PGS1: variants seen among roughly 807,000 people sequenced by gnomAD.
PGS1 encodes the protein CDP-diacylglycerol--glycerol-3-phosphate 3-phosphatidyltransferase, mitochondrial.
PGS1 carries 44 observed loss-of-function variants against 58.3 expected under a neutral mutation model. That is an observed-to-expected ratio of 0.75 (90% CI 0.59 to 0.97). PGS1 has a LOEUF of 0.97. PGS1 is among the 50% of genes least tolerant of loss of function. The probability of loss-of-function intolerance (pLI) is 0.00; values close to 1 mark genes in which losing one functional copy is unlikely to be tolerated. For missense variants in PGS1, 684 were observed against 731.1 expected (o/e 0.94, Z 0.74); for synonymous variants, 330 against 311.0 (o/e 1.06, Z -0.64).
intron 8 of PGS1, among the ~76,000 whole-genome samples, chr17:78,417,913 A>T (rs2085338445): frequency 7.0e-6 from 1 of 143,856 alleles, no homozygotes; most frequent in Non-Finnish European, 1.5e-5. Flanking sequence ...ACCATTTCGG[A>T]CAAAGCATAT....
chr17:78,394,993 G>A (rs59579069), intron 2 of PGS1, among the ~76,000 whole-genome samples: 1,952 of 152,340 alleles, frequency 0.013, 42 homozygotes, highest in African/African-American at 0.043. Flanking sequence ...AGAGCAGGAA[G>A]GGGCAGAGAG....
intron 7 of PGS1, among the ~76,000 whole-genome samples, chr17:78,413,552 C>T (rs1456670892): frequency 1.3e-5 from 2 of 152,330 alleles, no homozygotes; most frequent in South Asian, 2.1e-4. Flanking sequence ...CTCCCCCTCC[C>T]TCACACCTGC....
At chr17:78,401,221 G>A (rs2083633815) in intron 6 of PGS1, among the ~76,000 whole-genome samples, 1 of 152,122 alleles carries the variant, frequency 6.6e-6, no homozygotes, top group Admixed American at 6.5e-5. Context: ...ACAAACTCAG[G>A]TCAGGACGCA....
At chr17:78,420,139 G>A in intron 9 of PGS1, 5 of 1,017,866 alleles carry the variant, frequency 4.9e-6, no homozygotes, top group Non-Finnish European at 5.9e-6. Context: ...TAGTGCACAG[G>A]GTGGGGCGTC....
intron 6 of PGS1, among the ~76,000 whole-genome samples, chr17:78,403,177 A>G (rs1184604641): frequency 2.0e-5 from 3 of 152,294 alleles, no homozygotes; most frequent in East Asian, 1.9e-4. Context: ...GTGTACAGCC[A>G]TGAACCTGCT....
At chr17:78,394,735 A>T (rs2083099287) in intron 2 of PGS1, among the ~76,000 whole-genome samples, 1 of 151,830 alleles carries the variant, frequency 6.6e-6, no homozygotes, top group African/African-American at 2.4e-5. Context: ...TTATATTTTT[A>T]GTAGAGACAG....
At chr17:78,413,936 C>G (rs1390241287) in intron 7 of PGS1, among the ~76,000 whole-genome samples, 1 of 152,254 alleles carries the variant, frequency 6.6e-6, no homozygotes, top group African/African-American at 2.4e-5. Flanking sequence ...AGTGGCACCC[C>G]GTGCCCTGCT....
At chr17:78,422,705 G>C (rs1458603890) in intron 9 of PGS1, among the ~76,000 whole-genome samples, 1 of 151,840 alleles carries the variant, frequency 6.6e-6, no homozygotes, top group East Asian at 1.9e-4. Context: ...TTGCCACGTT[G>C]CCCAGGCTGG....
At chr17:78,392,351 C>T in intron 1 of PGS1, 125 bp from the exon 2 acceptor site, 1 of 598,492 alleles carries the variant, frequency 1.7e-6, no homozygotes, top group East Asian at 3.1e-5. Context: ...GAAAATCTGA[C>T]ATTCATAACA....
intron 7 of PGS1, among the ~76,000 whole-genome samples, chr17:78,414,601 C>G (rs555851951): frequency 1.5e-4 from 23 of 152,238 alleles, no homozygotes; most frequent in African/African-American, 4.8e-4. Flanking sequence ...GCCTGCTTCT[C>G]GTCCTGCTTG....
chr17:78,379,271 T>C (rs971199591), intron 1 of PGS1, among the ~76,000 whole-genome samples: 40 of 152,276 alleles, frequency 2.6e-4, no homozygotes, highest in Admixed American at 2.2e-3. Context: ...TCACCGTTGC[T>C]GGGATTTTGT....
chr17:78,390,745 G>A (rs548354579), intron 1 of PGS1, among the ~76,000 whole-genome samples: 2 of 152,238 alleles, frequency 1.3e-5, no homozygotes, highest in South Asian at 2.1e-4. Flanking sequence ...CCCATCTCCC[G>A]CAGGTTTTTA....
intron 2 of PGS1, among the ~76,000 whole-genome samples, chr17:78,393,670 T>C (rs1225998356): frequency 2.0e-5 from 3 of 152,170 alleles, no homozygotes; most frequent in Non-Finnish European, 4.4e-5. Flanking sequence ...GTCTAAGGCT[T>C]GTAGTCTTGG....
At chr17:78,420,593 A>G (rs940961619) in intron 9 of PGS1, 1 of 152,204 alleles carries the variant, frequency 6.6e-6, no homozygotes, top group Non-Finnish European at 1.5e-5. Flanking sequence ...TGGCCGGCAC[A>G]TGCGCTAGTG....
Position 78,422,790 on chromosome 17 carries a change from CTTTGAAGCCTGAGAAAT to C in PGS1, c.*11-1270_*11-1254del, listed in dbSNP as rs973130041. Among the ~76,000 whole-genome samples the C allele has an allele frequency of 2.4e-3, 358 of 151,932 alleles. 2 individuals are homozygous for C. Among genetic ancestry groups the C allele is most frequent in the Admixed American group, 0.022 (332 of 15,180 alleles). ...TGAGCTGCTGCAGCGGCCTGCTTTT[CTTTGAAGCCTGAGAAAT>C]GTTGAGGGCCGGGCACAGTGGTTGA... On this transcript the variant is annotated intron_variant, in intron 9 of 9. Transcript: ENST00000262764.
intron 7 of PGS1, among the ~76,000 whole-genome samples, chr17:78,410,319 CT>C (rs991866250): frequency 2.9e-5 from 4 of 139,458 alleles, no homozygotes; most frequent in African/African-American, 1.0e-4. Context: ...ATCTCAGCTA[CT>C]CAGGAGGCTG....
At position 78,424,191 on chromosome 17, in the gene PGS1, C is replaced by CAGTA; in HGVS notation, c.*145_*148dup. On this transcript the variant is annotated 3_prime_UTR_variant, in exon 10 of 10. Transcript: ENST00000262764. ...TATGGCTGAGGGTCAGGTGTGCTGC[C>CAGTA]AGTAAGTGAGGGAGGGGCTGGCAGG... 1 of 1,576,738 alleles carries CAGTA rather than the reference C, an allele frequency of 6.3e-7. No individual in the cohort carries two copies. Among genetic ancestry groups the CAGTA allele is most frequent in the Non-Finnish European group, 8.6e-7 (1 of 1,162,054 alleles).
rs1236002409 is a variant in PGS1, at chr17:78,390,329, GGA to G, written c.144-2145_144-2144del. On this transcript the variant is annotated intron_variant, in intron 1 of 9. Transcript: ENST00000262764. The stretch of plus-strand genomic sequence containing the variant: ...CACCCCCTCTAGAGACGGGGGTGGG[GGA>G]GGAACAGCTGTTTCCCACCTCTGCA... 1.4e-3 allele frequency among the ~76,000 whole-genome samples: 65 copies of G among 47,562 alleles called. 1 individual carries two copies. The highest frequency in any genetic ancestry group is 2.6e-3 in the African/African-American group (57 of 21,760). The allele number at this position is 47,562 out of a possible 152,430, so 31.2% of individuals were successfully genotyped here. A position where few individuals can be genotyped will look rare whatever the true frequency, so the allele number is the denominator to read the frequency against.
At chr17:78,419,964 AG>A in intron 9 of PGS1, 3 of 1,182,830 alleles carry the variant, frequency 2.5e-6, no homozygotes, top group Non-Finnish European at 3.2e-6. Flanking sequence ...CTCCCTTCCC[AG>A]GGGGTCCTGA....
Sources: gnomAD v4.1 joint callset for allele counts (sites outside exome capture counted in the v4.1 genomes callset) on GRCh38, gnomAD v4.1.1 for gene constraint, MANE v1.5 for transcripts, NCBI Gene and HGNC (gene_info 2026-07-23, HGNC 2026-07-21) for gene names.